DEUP1: variants seen among roughly 807,000 people sequenced by gnomAD.
The protein encoded by DEUP1 is coiled-coil domain containing 67.
DEUP1 carries 82 observed loss-of-function variants against 87.4 expected under a neutral mutation model. The observed-to-expected ratio is 0.94, with a 90% CI of 0.78 to 1.13. The LOEUF (loss-of-function observed/expected upper bound fraction) is 1.13, where lower values mean the gene tolerates loss of function less well. Among genes scored for constraint, DEUP1 ranks in the 50% most tolerant of loss-of-function variants. The pLI, the probability that DEUP1 is intolerant of heterozygous loss-of-function variation, is 0.00. For synonymous variants in DEUP1, 214 were observed against 222.7 expected (o/e 0.96, Z 0.35); for missense variants, 663 against 681.5 (o/e 0.97, Z 0.30).
At chr11:93,330,700 G>T (rs1224035047), upstream of DEUP1, 1 of 152,984 alleles carries the variant, frequency 6.5e-6, no homozygotes, top group Admixed American at 6.6e-5. Flanking sequence ...GGCGGGCCTG[G>T]CGGGGCGGGA....
At chr11:93,393,071 T>A (rs3133518) in intron 9 of DEUP1, among the ~76,000 whole-genome samples, 1 of 132,114 alleles carries the variant, frequency 7.6e-6, no homozygotes, top group Non-Finnish European at 1.5e-5. Flanking sequence ...TCCTCCTTCT[T>A]CTTCTCTTCC....
intron 13 of DEUP1, among the ~76,000 whole-genome samples, chr11:93,427,986 G>A (rs1947980155): frequency 6.6e-6 from 1 of 151,378 alleles, no homozygotes; most frequent in South Asian, 2.1e-4. Flanking sequence ...AGGTGCTGGA[G>A]AGGATGTGGA....
intron 12 of DEUP1, among the ~76,000 whole-genome samples, chr11:93,408,823 C>T (rs1358519699): frequency 6.6e-6 from 1 of 151,956 alleles, no homozygotes; most frequent in African/African-American, 2.4e-5. Context: ...AATAGATACA[C>T]TTTCTTTTTT....
intron 5 of DEUP1, among the ~76,000 whole-genome samples, chr11:93,366,330 C>G (rs931886608): frequency 3.3e-5 from 5 of 152,168 alleles, no homozygotes; most frequent in Admixed American, 3.3e-4. Context: ...ATAGTAATCA[C>G]TAAAGACCAT....
intron 5 of DEUP1, among the ~76,000 whole-genome samples, chr11:93,365,227 A>G (rs1265823144): frequency 1.3e-5 from 2 of 152,176 alleles, no homozygotes; most frequent in Non-Finnish European, 2.9e-5. Flanking sequence ...CCGGGATCAC[A>G]GCCCTAAAAT....
intron 2 of DEUP1, among the ~76,000 whole-genome samples, chr11:93,346,534 C>G (rs3019221): frequency 0.8 from 121,771 of 152,246 alleles, 48,792 homozygotes; most frequent in East Asian, 0.89. Context: ...GACTTTCATA[C>G]GAATTTTTAA....
At chr11:93,414,385 C>T (rs1438991699) in intron 12 of DEUP1, among the ~76,000 whole-genome samples, 9 of 151,986 alleles carry the variant, frequency 5.9e-5, no homozygotes, top group Admixed American at 4.6e-4. Flanking sequence ...TGGTGGCGGG[C>T]GCCTATAATC....
chr11:93,371,968 G>A lies in DEUP1; in HGVS notation c.789+688G>A, dbSNP rs1246921767. 4.2e-5 allele frequency among the ~76,000 whole-genome samples: 6 copies of A among 143,540 alleles called. No individual in the cohort carries two copies. In the South Asian group the frequency reaches 8.8e-4, roughly 21 times the overall value. 94.2% of individuals were successfully genotyped at this position (143,540 alleles called of 152,430 possible). ...TTTTGAGACGGAGTCTCGCTCTGTC[G>A]CCCAGGCTGGAGTGCAGTGGCGGGA... On this transcript the variant is annotated intron_variant, in intron 7 of 13. Transcript: ENST00000298050.
chr11:93,388,790 A>G (rs1306248958), intron 8 of DEUP1, among the ~76,000 whole-genome samples: 2 of 152,188 alleles, frequency 1.3e-5, no homozygotes, highest in East Asian at 3.8e-4. Context: ...TGTATAATTG[A>G]AATTCCTTAT....
chr11:93,419,958 G>T (rs1947815546), intron 13 of DEUP1, among the ~76,000 whole-genome samples: 1 of 152,002 alleles, frequency 6.6e-6, no homozygotes. Flanking sequence ...GGACCAGATG[G>T]ATTCACAGCC....
chr11:93,330,213 A>C (rs527917880), upstream of DEUP1: 3 of 152,196 alleles, frequency 2.0e-5, no homozygotes, highest in Admixed American at 6.5e-5. Flanking sequence ...CCCGAAGTTT[A>C]TTTCTTTTTC....
chr11:93,383,588 C>A, intron 7 of DEUP1: 1 of 668,048 alleles, frequency 1.5e-6, no homozygotes, highest in Non-Finnish European at 2.7e-6. Context: ...CTGGATTGTA[C>A]ACTTTAAATG....
intron 2 of DEUP1, chr11:93,352,504 C>A: frequency 1.5e-6 from 1 of 651,362 alleles, no homozygotes. Flanking sequence ...CCTCCTGGAC[C>A]CAAGATATTA....
rs1267838146 is a variant in DEUP1 at position 93,438,265 on chromosome 11, T to G, written c.*546T>G. 1 of 152,300 alleles carries G rather than the reference T, an allele frequency of 6.6e-6. No individual in the cohort carries two copies. Among genetic ancestry groups the G allele is most frequent in the South Asian group, 2.1e-4 (1 of 4,836 alleles). 9.4% of individuals were successfully genotyped at this position (152,300 alleles called of 1,614,324 possible). A position where few individuals can be genotyped will look rare whatever the true frequency, so the allele number is the denominator to read the frequency against. On this transcript the variant is annotated 3_prime_UTR_variant, in exon 14 of 14. Transcript: ENST00000298050. The stretch of plus-strand genomic sequence containing the variant: ...ATTGTTTTTACATTCACCTTTATAA[T>G]GTCTGTCTGTTTCAACACAATGAAG...
At position 93,437,846 on chromosome 11, in the gene DEUP1, CCGTA is replaced by C; in HGVS notation, c.*128_*131del. 1.6e-6 allele frequency: 1 copy of C among 635,804 alleles called. No homozygotes were observed. The highest frequency in any genetic ancestry group is 2.8e-6 in the Non-Finnish European group (1 of 359,776). 39.4% of individuals were successfully genotyped at this position (635,804 alleles called of 1,614,324 possible). A position where few individuals can be genotyped will look rare whatever the true frequency, so the allele number is the denominator to read the frequency against. On this transcript the variant is annotated 3_prime_UTR_variant, in exon 14 of 14. Transcript: ENST00000298050. Reference sequence around the variant, plus strand: ...TTCTGTTTCCTTGAGTAAATAATTTCCGTAAGGCAGCTAGAAAATAGTAAGTATT... The same window carrying C: ...TTCTGTTTCCTTGAGTAAATAATTTCAGGCAGCTAGAAAATAGTAAGTATT...
Position 93,355,397 on chromosome 11 carries a change from AG to A in DEUP1, c.58del (p.Glu20AsnfsTer2). 6.2e-7 allele frequency: 1 copy of A among 1,613,628 alleles called. No individual in the cohort carries two copies. The highest frequency in any genetic ancestry group is 8.5e-7 in the Non-Finnish European group (1 of 1,179,720). ...ACTTCTCCTTGTGAGGCTGAGCTTCAGGAATTAATGGAACAAATTGACATCA... is the reference window on the plus strand; with the variant it reads ...ACTTCTCCTTGTGAGGCTGAGCTTCAGAATTAATGGAACAAATTGACATCA... ...MGTSPCEAEL[Q>X]ELMEQIDIMV... On this transcript the variant is annotated frameshift_variant, in exon 3 of 14. Coordinates refer to ENST00000298050, the MANE Select transcript of DEUP1 (RefSeq NM_181645.4). LOFTEE classifies it high-confidence loss of function.
Position 93,415,092 on chromosome 11 carries a change from G to A in DEUP1, c.1616G>A (p.Ser539Asn). ...AAAGAAATGACAAGTCCTTTGGTTA[G>A]TGATGATGATGTATTCCCACTGGTG... ...QAKEMTSPLV[S>N]DDDVFPLSPP... The change falls in exon 13 of 14, where the codon AGT becomes AAT. Residue 539 changes from serine (S) to asparagine (N), a missense_variant. Transcript: ENST00000298050. 6.2e-7 allele frequency: 1 copy of A among 1,610,730 alleles called. No individual in the cohort carries two copies. The highest frequency in any genetic ancestry group is 8.5e-7 in the Non-Finnish European group (1 of 1,178,388).
chr11:93,434,438 G>A (rs539323900), intron 13 of DEUP1, among the ~76,000 whole-genome samples: 42 of 152,192 alleles, frequency 2.8e-4, no homozygotes, highest in South Asian at 1.0e-3. Context: ...AGTACCAAAA[G>A]ATGCCTCAGA....
At chr11:93,351,542 ATGT>A (rs1459617263) in intron 2 of DEUP1, among the ~76,000 whole-genome samples, 1 of 152,216 alleles carries the variant, frequency 6.6e-6, no homozygotes, top group Non-Finnish European at 1.5e-5. Flanking sequence ...AAGGTGATAC[ATGT>A]TGTCATGAAA....
Sources: gnomAD v4.1 joint callset for allele counts (sites outside exome capture counted in the v4.1 genomes callset) on GRCh38, gnomAD v4.1.1 for gene constraint, MANE v1.5 for transcripts, NCBI Gene and HGNC (gene_info 2026-07-23, HGNC 2026-07-21) for gene names.